The following TLK1 variants were observed in gnomAD, a reference collection of about 807,000 sequenced individuals.
The protein encoded by TLK1 is serine/threonine-protein kinase tousled-like 1.
A neutral mutation model predicts 105.3 loss-of-function variants in TLK1; 24 were observed. The ratio of observed to expected loss-of-function variants is 0.23; its 90% confidence interval spans 0.17 to 0.32. The LOEUF (loss-of-function observed/expected upper bound fraction) is 0.32, where lower values mean the gene tolerates loss of function less well. TLK1 is among the 10% of genes least tolerant of loss of function. The pLI is 1.00. For synonymous variants in TLK1, 321 were observed against 310.4 expected, an observed-to-expected ratio of 1.03 and a Z score of -0.36; for missense variants, 558 against 910.5, an observed-to-expected ratio of 0.61 and a Z score of 4.98.
chr2:171,148,835 G>A (rs1034441567), intron 1 of TLK1, among the ~76,000 whole-genome samples: 7 of 148,636 alleles, frequency 4.7e-5, no homozygotes, highest in African/African-American at 1.0e-4. Flanking sequence ...AGCCGAGATC[G>A]TGCCACTACA....
intron 4 of TLK1, among the ~76,000 whole-genome samples, chr2:171,060,431 A>G (rs1687698288): frequency 6.6e-6 from 1 of 152,182 alleles, no homozygotes; most frequent in African/African-American, 2.4e-5. Context: ...CCAGTGCCCT[A>G]TATACACCAG....
At chr2:171,058,229 G>C (rs1472779689) in intron 4 of TLK1, 32 bp from the exon 5 acceptor site, 1 of 1,599,072 alleles carries the variant, frequency 6.3e-7, no homozygotes, top group Non-Finnish European at 8.6e-7. Context: ...ATGTTAGTAG[G>C]GTAGTGATGG....
intron 1 of TLK1, among the ~76,000 whole-genome samples, chr2:171,121,220 T>C (rs1467337155): frequency 6.6e-6 from 1 of 152,118 alleles, no homozygotes; most frequent in Non-Finnish European, 1.5e-5. Context: ...ATGGTAAATT[T>C]TATATTTTGC....
chr2:171,024,391 A>C (rs185374122), intron 12 of TLK1, among the ~76,000 whole-genome samples: 119 of 152,312 alleles, frequency 7.8e-4, no homozygotes, highest in African/African-American at 2.8e-3. Context: ...TGCCCAAGGA[A>C]GAAAGTATGT....
chr2:171,216,189 A>G (rs1342995851), intron 1 of TLK1, among the ~76,000 whole-genome samples: 1 of 152,154 alleles, frequency 6.6e-6, no homozygotes, highest in Non-Finnish European at 1.5e-5. Context: ...GCCTTAAAAA[A>G]ACAAGGGCCG....
chr2:171,045,038 G>A (rs1412023948), intron 11 of TLK1, among the ~76,000 whole-genome samples: 1 of 151,960 alleles, frequency 6.6e-6, no homozygotes, highest in East Asian at 1.9e-4. Flanking sequence ...AATTGAGGGA[G>A]AGTTTTTTAA....
Position 171,046,155 on chromosome 2 carries a change from A to G in TLK1, c.1169+19T>C, listed in dbSNP as rs376479608. 1.3e-5 allele frequency: 20 copies of G among 1,499,518 alleles called. No homozygotes were observed. The highest frequency in any genetic ancestry group is 1.5e-5 in the Non-Finnish European group (17 of 1,126,240). 92.9% of individuals were successfully genotyped at this position (1,499,518 alleles called of 1,614,324 possible). A position where few individuals can be genotyped will look rare whatever the true frequency, so the allele number is the denominator to read the frequency against. The stretch of plus-strand genomic sequence containing the variant: ...CTGGCAACAATTTTAAAAAAGAAAA[A>G]TTTTAAATGGAGGCTTACAGTTGTG... On this transcript the variant is annotated intron_variant, in intron 11 of 20. Transcript: ENST00000431350.
chr2:171,010,866 A>G (rs1684882671), intron 14 of TLK1, among the ~76,000 whole-genome samples: 2 of 152,308 alleles, frequency 1.3e-5, no homozygotes, highest in South Asian at 4.1e-4. Context: ...GGACTGGTTA[A>G]TGGTGACTAG....
At chr2:171,169,710 A>AC (rs1455514295) in intron 1 of TLK1, among the ~76,000 whole-genome samples, 1 of 152,208 alleles carries the variant, frequency 6.6e-6, no homozygotes, top group East Asian at 1.9e-4. Context: ...GGGAAAAAAA[A>AC]CGCTGTATTT....
At chr2:171,055,465 TA>T (rs931661220) in intron 6 of TLK1, among the ~76,000 whole-genome samples, 35 of 147,918 alleles carry the variant, frequency 2.4e-4, no homozygotes, top group Middle Eastern at 3.6e-3. Context: ...TTCATACAGT[TA>T]AAAAAAAAAT....
chr2:171,065,294 C>T (rs931408273), intron 3 of TLK1, among the ~76,000 whole-genome samples: 2 of 152,038 alleles, frequency 1.3e-5, no homozygotes, highest in Admixed American at 1.3e-4. Context: ...CTTCATTGGG[C>T]CTCACTGAAT....
In TLK1 at chr2:171,003,273, C is replaced by CAAAAAAAAAAA. The variant is rs777049271; in HGVS notation, c.1904+2863_1904+2873dup. ...TGGGCGACAGAGCAAGACTCCGTCTCAAAAAAAAAAAAAAAAAAAAAAAAA... is the reference window on the plus strand; with the variant it reads ...TGGGCGACAGAGCAAGACTCCGTCTCAAAAAAAAAAAAAAAAAAAAAAAAAAAAAAAAAAAA... On this transcript the variant is annotated intron_variant, in intron 18 of 20. Coordinates refer to ENST00000431350, the MANE Select transcript of TLK1 (RefSeq NM_012290.5). Among the ~76,000 whole-genome samples the CAAAAAAAAAAA allele has an allele frequency of 1.7e-3, 115 of 68,480 alleles. 4 individuals carry two copies. Among genetic ancestry groups the CAAAAAAAAAAA allele is most frequent in the African/African-American group, 2.9e-3 (35 of 12,226 alleles). The allele number at this position is 68,480 out of a possible 152,430, so 44.9% of individuals were successfully genotyped here. A position where few individuals can be genotyped will look rare whatever the true frequency, so the allele number is the denominator to read the frequency against.
intron 1 of TLK1, among the ~76,000 whole-genome samples, chr2:171,150,604 T>C (rs1691993804): frequency 6.6e-6 from 1 of 152,176 alleles, no homozygotes; most frequent in Non-Finnish European, 1.5e-5. Context: ...ACAACACAAC[T>C]GACATGTGGA....
intron 3 of TLK1, chr2:171,081,769 G>GT (rs11458941): frequency 0.076 from 90,976 of 1,199,528 alleles, 4,803 homozygotes; most frequent in African/African-American, 0.25. Flanking sequence ...TAGTGTCAGG[G>GT]TGCCTGCACA....
intron 1 of TLK1, among the ~76,000 whole-genome samples, chr2:171,133,750 G>A (rs1055420916): frequency 2.0e-5 from 3 of 149,460 alleles, no homozygotes; most frequent in Non-Finnish European, 3.0e-5. Context: ...ACATGTTTCA[G>A]ACTTCTGATT....
intron 1 of TLK1, among the ~76,000 whole-genome samples, chr2:171,217,989 C>T (rs1220644985): frequency 6.6e-6 from 1 of 152,158 alleles, no homozygotes; most frequent in African/African-American, 2.4e-5. Flanking sequence ...CATGGTGGTT[C>T]ATGCCTGTAA....
chr2:171,183,861 A>G (rs1264419466), intron 1 of TLK1, among the ~76,000 whole-genome samples: 1 of 152,144 alleles, frequency 6.6e-6, no homozygotes, highest in Non-Finnish European at 1.5e-5. Flanking sequence ...CTAAATTAAC[A>G]TTTTTTTCAC....
chr2:171,186,738 T>C (rs1480129428), intron 1 of TLK1, among the ~76,000 whole-genome samples: 1 of 152,076 alleles, frequency 6.6e-6, no homozygotes, highest in Non-Finnish European at 1.5e-5. Flanking sequence ...TAGTTTCTTA[T>C]ATAATTGATG....
intron 2 of TLK1, among the ~76,000 whole-genome samples, chr2:171,085,608 G>A: frequency 6.6e-6 from 1 of 152,058 alleles, no homozygotes; most frequent in East Asian, 1.9e-4. Context: ...GAAAATAAAA[G>A]CAAAGTGTTT....
Sources: gnomAD v4.1 joint callset for allele counts (sites outside exome capture counted in the v4.1 genomes callset) on GRCh38, gnomAD v4.1.1 for gene constraint, MANE v1.5 for transcripts, NCBI Gene and HGNC (gene_info 2026-07-23, HGNC 2026-07-21) for gene names.